ECM2: variants seen among roughly 807,000 people sequenced by gnomAD.
The protein encoded by ECM2 is extracellular matrix protein 2, also known as extracellular matrix protein 2, female organ and adipocyte specific.
Under a neutral mutation model 67.5 loss-of-function variants are expected in ECM2, and 57 were observed. The ratio of observed to expected loss-of-function variants is 0.84; its 90% CI spans 0.68 to 1.05. ECM2 has a LOEUF of 1.05. Ranked by LOEUF, ECM2 falls within the 50% of genes least tolerant of loss-of-function variation. The pLI, the probability that ECM2 is intolerant of heterozygous loss-of-function variation, is 0.00. For missense variants in ECM2, 741 were observed against 822.8 expected (o/e 0.90, Z 1.22); for synonymous variants, 258 against 294.5 (o/e 0.88, Z 1.27).
intron 9 of ECM2, among the ~76,000 whole-genome samples, chr9:92,500,029 T>C (rs748203370): frequency 2.6e-5 from 4 of 152,176 alleles, no homozygotes; most frequent in Non-Finnish European, 5.9e-5. Context: ...AAAAACTAGA[T>C]AGAAGCAGTT....
chr9:92,518,233 G>A (rs1847847104), intron 2 of ECM2, among the ~76,000 whole-genome samples: 1 of 152,202 alleles, frequency 6.6e-6, no homozygotes, highest in Non-Finnish European at 1.5e-5. Context: ...TGGGGACACA[G>A]GGGCTCAGCT....
intron 8 of ECM2, 53 bp downstream of exon 8, chr9:92,502,460 A>G (rs1440005968): frequency 6.3e-7 from 1 of 1,587,676 alleles, no homozygotes; most frequent in Non-Finnish European, 8.6e-7. Context: ...CTGTTTAATA[A>G]TAGCGAGAGG....
At chr9:92,540,897 C>G (rs555261043), upstream of ECM2, among the ~76,000 whole-genome samples, 10 of 151,922 alleles carry the variant, frequency 6.6e-5, no homozygotes, top group Non-Finnish European at 1.3e-4. Flanking sequence ...GCAAAAATAT[C>G]GATAAAGTAA....
At chr9:92,529,738 C>T (rs1240768632) in intron 1 of ECM2, among the ~76,000 whole-genome samples, 2 of 152,116 alleles carry the variant, frequency 1.3e-5, no homozygotes, top group South Asian at 2.1e-4. Context: ...GATTTCAACT[C>T]TATGACATTC....
At chr9:92,520,244 C>T (rs916101551) in intron 2 of ECM2, among the ~76,000 whole-genome samples, 1 of 151,596 alleles carries the variant, frequency 6.6e-6, no homozygotes, top group East Asian at 1.9e-4. Context: ...GATTGTACCA[C>T]CGTATTCCAG....
At chr9:92,533,303 CAAAAAAAAAAA>C (rs1174584000) in intron 1 of ECM2, among the ~76,000 whole-genome samples, 42 of 29,880 alleles carry the variant, frequency 1.4e-3, no homozygotes, top group Middle Eastern at 0.036. Flanking sequence ...CGGTCTCAAA[CAAAAAAAAAAA>C]AAAAAAAAAA....
Position 92,523,659 on chromosome 9 carries a change from G to C in ECM2, c.-27-766C>G, listed in dbSNP as rs116130428. 7.2e-3 allele frequency among the ~76,000 whole-genome samples: 1,104 copies of C among 152,342 alleles called. 16 individuals are homozygous for C. The highest frequency in any genetic ancestry group is 0.025 in the African/African-American group (1,040 of 41,574). On this transcript the variant is annotated intron_variant, in intron 1 of 9. Coordinates refer to ENST00000344604, the MANE Select transcript of ECM2 (RefSeq NM_001393.4). Reference sequence around the variant, plus strand: ...ATAGGCGTAATCTATAGCAGTAGCGGTTTAAATGAATCTCCTTTGTGCTTA... The same window carrying C: ...ATAGGCGTAATCTATAGCAGTAGCGCTTTAAATGAATCTCCTTTGTGCTTA...
intron 7 of ECM2, 50 bp from the exon 8 acceptor site, chr9:92,502,702 G>A (rs369777804): frequency 4.4e-5 from 62 of 1,411,850 alleles, no homozygotes; most frequent in Middle Eastern, 5.1e-4. Context: ...TAGTTGATAC[G>A]TTCAATTTCA....
At chr9:92,541,781 T>C in the ECM2 span, among the ~76,000 whole-genome samples, 1 of 151,868 alleles carries the variant, frequency 6.6e-6, no homozygotes, top group African/African-American at 2.4e-5. Context: ...CCCTGCAACA[T>C]ACTGATTTTA....
the ECM2 span, among the ~76,000 whole-genome samples, chr9:92,546,827 T>G: frequency 6.6e-6 from 1 of 152,284 alleles, no homozygotes; most frequent in African/African-American, 2.4e-5. Context: ...ACAAGAAGAA[T>G]CAGAAAATCT....
At chr9:92,502,761 G>T in intron 7 of ECM2, 109 bp from the exon 8 acceptor site, 1 of 844,540 alleles carries the variant, frequency 1.2e-6, no homozygotes, top group Non-Finnish European at 1.7e-6. Context: ...ATTATCTAAA[G>T]AGTCTTACTG....
At chr9:92,500,060 C>T (rs10761161) in intron 9 of ECM2, among the ~76,000 whole-genome samples, 3 of 152,016 alleles carry the variant, frequency 2.0e-5, no homozygotes, top group East Asian at 1.9e-4. Flanking sequence ...CATATATTTA[C>T]GTTTTATGCT....
intron 6 of ECM2, among the ~76,000 whole-genome samples, chr9:92,507,238 A>G (rs1040249921): frequency 6.6e-6 from 1 of 152,240 alleles, no homozygotes; most frequent in Non-Finnish European, 1.5e-5. Flanking sequence ...CAGGCCAGCC[A>G]GTAAATTGGG....
At chr9:92,500,677 T>C in intron 9 of ECM2, 50 bp downstream of exon 9, 1 of 1,532,584 alleles carries the variant, frequency 6.5e-7, no homozygotes, top group Non-Finnish European at 8.9e-7. Flanking sequence ...TTTTATCATA[T>C]ATTTTGCCAA....
chr9:92,506,860 G>A (rs554226182), intron 6 of ECM2, among the ~76,000 whole-genome samples: 2 of 152,262 alleles, frequency 1.3e-5, no homozygotes, highest in East Asian at 1.9e-4. Context: ...GAAGGTTGGT[G>A]CTCAGAGAGA....
the ECM2 span, among the ~76,000 whole-genome samples, chr9:92,545,440 AC>A: frequency 6.6e-6 from 1 of 152,176 alleles, no homozygotes; most frequent in Non-Finnish European, 1.5e-5. Context: ...GTGCCGGCCC[AC>A]CGGCGCTGTG....
chr9:92,497,496 T>C (rs1353460766), intron 9 of ECM2, among the ~76,000 whole-genome samples: 1 of 151,712 alleles, frequency 6.6e-6, no homozygotes, highest in Non-Finnish European at 1.5e-5. Flanking sequence ...TGGTGGCGTA[T>C]CCTTGTAATC....
At chr9:92,537,318 A>T (rs997413608), upstream of ECM2, among the ~76,000 whole-genome samples, 1 of 152,242 alleles carries the variant, frequency 6.6e-6, no homozygotes, top group Non-Finnish European at 1.5e-5. Context: ...GACTAAATAC[A>T]TAAGCCACTC....
the ECM2 span, among the ~76,000 whole-genome samples, chr9:92,541,964 TTG>T: frequency 2.0e-5 from 3 of 152,106 alleles, no homozygotes; most frequent in Admixed American, 1.3e-4. Flanking sequence ...CAGCTAATTT[TTG>T]TATTTTTAAT....
Sources: gnomAD v4.1 joint callset for allele counts (sites outside exome capture counted in the v4.1 genomes callset) on GRCh38, gnomAD v4.1.1 for gene constraint, MANE v1.5 for transcripts, NCBI Gene and HGNC (gene_info 2026-07-23, HGNC 2026-07-21) for gene names.